PLPP3: variants seen among roughly 807,000 people sequenced by gnomAD.
PLPP3 encodes the protein PAP2 beta.
In PLPP3, 6 loss-of-function variants were observed where a neutral mutation model predicts 29.6. The observed-to-expected ratio is 0.20, with a 90% CI of 0.11 to 0.40. The LOEUF is 0.40. PLPP3 is among the 10% of genes least tolerant of loss of function. The pLI is 1.00. For missense variants in PLPP3, 308 were observed against 407.7 expected (o/e 0.76, Z 2.11); for synonymous variants, 152 against 159.7 (o/e 0.95, Z 0.36).
chr1:56,530,447 CAAGTCT>C (rs1436798327), intron 2 of PLPP3, among the ~76,000 whole-genome samples: 1 of 152,104 alleles, frequency 6.6e-6, no homozygotes, highest in Non-Finnish European at 1.5e-5. Context: ...TCAAATTAAC[CAAGTCT>C]AAGGTCACAC....
intron 1 of PLPP3, chr1:56,538,903 A>C (rs372600286): frequency 3.3e-5 from 5 of 151,080 alleles, no homozygotes; most frequent in East Asian, 3.9e-4. Context: ...GTATGAACTC[A>C]TGGCATAGTA....
At chr1:56,501,390 C>T (rs998085693) in intron 5 of PLPP3, among the ~76,000 whole-genome samples, 1 of 152,040 alleles carries the variant, frequency 6.6e-6, no homozygotes, top group Non-Finnish European at 1.5e-5. Flanking sequence ...GGAGTGATTG[C>T]CCCCCACGCC....
chr1:56,579,019 C>A lies in PLPP3; in HGVS notation c.-3G>T. On this transcript the variant is annotated 5_prime_UTR_variant, in exon 1 of 6. Transcript: ENST00000371250. ...TTGTCGTACTTGTAGTTTTGCATGG[C>A]GCTGGCTGCGGCGCGAGCCTCCCGC... The A allele has an allele frequency of 6.3e-7, 1 of 1,589,784 alleles. No homozygotes were observed.
Position 56,511,987 on chromosome 1 carries a change from C to A in PLPP3, c.799G>T (p.Ala267Ser). 4 of 1,613,330 alleles carry A rather than the reference C, an allele frequency of 2.5e-6. No individual in the cohort carries two copies. The highest frequency in any genetic ancestry group is 3.4e-6 in the Non-Finnish European group (4 of 1,179,732). The change falls in exon 5 of 6, where the codon GCC becomes TCC. Residue 267 changes from alanine to serine, a missense_variant. Ala to Ser is a moderately conservative substitution (Grantham distance 99). This residue lies in a region of PLPP3 where 232 missense variants were observed against 317.2 expected (regional missense o/e 0.73). Coordinates refer to ENST00000371250, the MANE Select transcript of PLPP3 (RefSeq NM_003713.5). ...AAGATGCTACTTACTATGCAGCAGG[C>A]CACCAGGGCTCCTTGAGCAAATCCT... The part of the protein sequence containing the change: ...LAGFAQGALV[A>S]CCIVFFVSDL...
intron 5 of PLPP3, among the ~76,000 whole-genome samples, chr1:56,504,951 C>T (rs1041840564): frequency 6.6e-6 from 1 of 152,084 alleles, no homozygotes; most frequent in African/African-American, 2.4e-5. Context: ...GTGGTTACCA[C>T]CAGCATTTTT....
At chr1:56,514,888 A>G (rs562657768) in intron 4 of PLPP3, among the ~76,000 whole-genome samples, 50 of 152,296 alleles carry the variant, frequency 3.3e-4, no homozygotes, top group African/African-American at 1.2e-3. Flanking sequence ...CTACTCCCTT[A>G]ATGACCTACC....
At chr1:56,497,598 G>A (rs957456043) in intron 5 of PLPP3, among the ~76,000 whole-genome samples, 68 of 152,210 alleles carry the variant, frequency 4.5e-4, no homozygotes, top group African/African-American at 1.5e-3. Flanking sequence ...TCAAAATAGC[G>A]ACTAAAACAC....
At chr1:56,537,663 TG>T (rs772726646) in intron 1 of PLPP3, among the ~76,000 whole-genome samples, 2 of 151,802 alleles carry the variant, frequency 1.3e-5, no homozygotes, top group Non-Finnish European at 3.0e-5. Flanking sequence ...AAATGAGTTG[TG>T]GTGATGACTA....
chr1:56,574,853 A>G (rs889022562), intron 1 of PLPP3, among the ~76,000 whole-genome samples: 1 of 152,208 alleles, frequency 6.6e-6, no homozygotes, highest in African/African-American at 2.4e-5. Context: ...ACATCACAAT[A>G]TTTACCAGCC....
intron 1 of PLPP3, among the ~76,000 whole-genome samples, chr1:56,542,315 G>C (rs1645976443): frequency 6.6e-6 from 1 of 152,108 alleles, no homozygotes; most frequent in South Asian, 2.1e-4. Context: ...TGTTACCCAA[G>C]TGACCTGGCC....
intron 1 of PLPP3, among the ~76,000 whole-genome samples, chr1:56,577,242 A>G (rs187872166): frequency 2.1e-4 from 32 of 152,316 alleles, no homozygotes; most frequent in African/African-American, 7.5e-4. Flanking sequence ...CTTGATTACA[A>G]GACTTTAAGT....
At chr1:56,516,828 T>G (rs1169286890) in intron 4 of PLPP3, 1 of 151,544 alleles carries the variant, frequency 6.6e-6, no homozygotes, top group African/African-American at 2.4e-5. Flanking sequence ...AAAAGAAAGA[T>G]GTATGTCTGT....
intron 5 of PLPP3, among the ~76,000 whole-genome samples, chr1:56,501,801 A>G (rs898196972): frequency 6.6e-6 from 1 of 152,238 alleles, no homozygotes; most frequent in East Asian, 1.9e-4. Flanking sequence ...GAGGGGGGAA[A>G]AAAGAGTGGT....
chr1:56,537,277 C>T (rs1046378829), intron 1 of PLPP3, among the ~76,000 whole-genome samples, 165 bp from the exon 2 acceptor site: 8 of 152,106 alleles, frequency 5.3e-5, no homozygotes, highest in African/African-American at 9.7e-5. Context: ...AGAGAGCTTT[C>T]GCTATGCACA....
intron 5 of PLPP3, among the ~76,000 whole-genome samples, chr1:56,506,801 G>GC (rs1553135637): frequency 6.7e-6 from 1 of 149,988 alleles, no homozygotes; most frequent in African/African-American, 2.4e-5. Flanking sequence ...ATGAGCCTGT[G>GC]TTTTTTTTTT....
intron 2 of PLPP3, among the ~76,000 whole-genome samples, chr1:56,526,227 G>A (rs928451060): frequency 1.3e-5 from 2 of 152,208 alleles, no homozygotes; most frequent in African/African-American, 4.8e-5. Flanking sequence ...AGGAAAGGGA[G>A]CAGGACGGTA....
At chr1:56,572,035 C>G (rs1198196513) in intron 1 of PLPP3, among the ~76,000 whole-genome samples, 2 of 125,054 alleles carry the variant, frequency 1.6e-5, no homozygotes, top group African/African-American at 5.7e-5. Context: ...CATTTCCAAT[C>G]ATTTCTGGTT....
intron 1 of PLPP3, chr1:56,538,666 G>A (rs1361929366): frequency 7.0e-6 from 2 of 285,224 alleles, no homozygotes; most frequent in Non-Finnish European, 6.6e-6. Context: ...CCAGCATGCC[G>A]TTGGTACTGT....
chr1:56,546,418 T>C (rs567350009), intron 1 of PLPP3, among the ~76,000 whole-genome samples: 2 of 152,174 alleles, frequency 1.3e-5, no homozygotes, highest in African/African-American at 4.8e-5. Flanking sequence ...CCTATGAAAA[T>C]AGAAATAACT....
Sources: gnomAD v4.1 joint callset for allele counts (sites outside exome capture counted in the v4.1 genomes callset) on GRCh38, gnomAD v4.1.1 for gene constraint, gnomAD v4.1.1 regional missense constraint, MANE v1.5 for transcripts, NCBI Gene and HGNC (gene_info 2026-07-23, HGNC 2026-07-21) for gene names.